Variants in FRY observed in about 807,000 individuals in gnomAD.
The protein encoded by FRY is FRY microtubule binding protein, also known as protein furry homolog.
Under a neutral mutation model 348.4 loss-of-function variants are expected in FRY, and 128 were observed. The observed-to-expected ratio is 0.37, with a 90% CI of 0.32 to 0.43. The LOEUF (loss-of-function observed/expected upper bound fraction) is 0.43. Among genes scored for constraint, FRY ranks in the 20% least tolerant of loss-of-function variants. The pLI, the probability that FRY is intolerant of heterozygous loss-of-function variation, is 1.00. For synonymous variants in FRY, 1,370 were observed against 1,374.7 expected, an observed-to-expected ratio of 1.00 and a Z score of 0.08; for missense variants, 2,736 against 3,695.2, an observed-to-expected ratio of 0.74 and a Z score of 6.73.
intron 1 of FRY, among the ~76,000 whole-genome samples, chr13:32,036,954 A>G (rs903508360): frequency 6.6e-6 from 1 of 151,722 alleles, no homozygotes; most frequent in Non-Finnish European, 1.5e-5. Flanking sequence ...TGTCCCTGCC[A>G]GTTCTTAGCC....
chr13:32,138,709 C>G (rs1239471369), intron 11 of FRY, among the ~76,000 whole-genome samples: 2 of 152,262 alleles, frequency 1.3e-5, no homozygotes, highest in East Asian at 3.9e-4. Context: ...TTCAGTTCAG[C>G]AGGGACTTAT....
In FRY at chr13:32,142,748, A is replaced by G. The variant is rs79829116; in HGVS notation, c.1180-4534A>G. Among the ~76,000 whole-genome samples, 886 of 152,280 alleles carry G rather than the reference A, an allele frequency of 5.8e-3. 10 individuals are homozygous for G. The highest frequency in any genetic ancestry group is 0.02 in the African/African-American group (832 of 41,532). On this transcript the variant is annotated intron_variant, in intron 11 of 60. Coordinates refer to ENST00000542859, the MANE Select transcript of FRY (RefSeq NM_023037.3). The stretch of plus-strand genomic sequence containing the variant: ...TTATGCATCAAGTTGTTCAGCTACT[A>G]CTCAGATTGTTTTTGATTTTGAATA...
chr13:32,242,527 TTTTTGTTTTGTTTTG>T (rs373777202), intron 46 of FRY, among the ~76,000 whole-genome samples: 1 of 152,078 alleles, frequency 6.6e-6, no homozygotes, highest in African/African-American at 2.4e-5. Flanking sequence ...TTACTCATGT[TTTTTGTTTTGTTTTG>T]TTTTGTTTTG....
intron 7 of FRY, among the ~76,000 whole-genome samples, chr13:32,130,053 C>CA (rs1879251975): frequency 6.9e-6 from 1 of 144,870 alleles, no homozygotes; most frequent in Non-Finnish European, 1.5e-5. Flanking sequence ...CCTCCCCCAG[C>CA]CTTTTTTTTT....
intron 49 of FRY, among the ~76,000 whole-genome samples, 172 bp from the exon 50 acceptor site, chr13:32,251,706 T>C (rs1401476957): frequency 6.6e-6 from 1 of 152,268 alleles, no homozygotes; most frequent in African/African-American, 2.4e-5. Context: ...GTTTTCAATA[T>C]TTAACAATTT....
chr13:32,136,764 C>A, intron 10 of FRY, 107 bp from the exon 11 acceptor site: 1 of 789,350 alleles, frequency 1.3e-6, no homozygotes. Context: ...TGTTTCTTGC[C>A]CACAGGGCCC....
At chr13:32,124,771 C>A (rs1047516724) in intron 6 of FRY, 24 bp from the exon 7 acceptor site, 6 of 1,578,428 alleles carry the variant, frequency 3.8e-6, no homozygotes, top group Non-Finnish European at 5.2e-6. Flanking sequence ...GGATCCCTAA[C>A]TTGTCTAATT....
chr13:32,126,980 T>A (rs1308048525), intron 7 of FRY, among the ~76,000 whole-genome samples: 1 of 152,202 alleles, frequency 6.6e-6, no homozygotes, highest in Non-Finnish European at 1.5e-5. Context: ...GAATTTGAGT[T>A]TTAGCAGAAT....
Position 32,247,358 on chromosome 13 carries a change from G to A in FRY, c.6864G>A (p.Lys2288=), listed in dbSNP as rs1183570479. The change falls in exon 48 of 61, where the codon AAG becomes AAA. Residue 2288 remains lysine, a synonymous_variant. Transcript: ENST00000542859. The part of the protein sequence containing the change: ...VHWREALNIL[K]LVVSRSASLV... Reference sequence around the variant, plus strand: ...GGAGAGAAGCTCTGAATATCTTGAAGCTGGTAGTTTCTCGGTCAGCCAGCC... The same window carrying A: ...GGAGAGAAGCTCTGAATATCTTGAAACTGGTAGTTTCTCGGTCAGCCAGCC... The A allele has an allele frequency of 2.5e-6, 4 of 1,613,810 alleles. No individual in the cohort carries two copies. In the African/African-American group the frequency reaches 4.0e-5, roughly 16 times the overall value.
chr13:32,225,053 A>G lies in FRY; in HGVS notation c.5020+17A>G, dbSNP rs1226387964. 1.5e-6 allele frequency: 2 copies of G among 1,371,758 alleles called. No individual in the cohort carries two copies. The highest frequency in any genetic ancestry group is 2.1e-6 in the Non-Finnish European group (2 of 958,382). The allele number at this position is 1,371,758 out of a possible 1,614,324, so 85.0% of individuals were successfully genotyped here. A position where few individuals can be genotyped will look rare whatever the true frequency, so the allele number is the denominator to read the frequency against. On this transcript the variant is annotated intron_variant, in intron 38 of 60. Transcript: ENST00000542859. ...TCTTCTTAGGTAAGACTGGATCTAA[A>G]AGGCATTCTAGCCAATCGGGTTAAA...
At chr13:32,223,056 C>T (rs186310902) in intron 36 of FRY, among the ~76,000 whole-genome samples, 13 of 152,130 alleles carry the variant, frequency 8.5e-5, no homozygotes, top group Non-Finnish European at 1.8e-4. Flanking sequence ...TGGGTTCAAA[C>T]GATTATCCTG....
chr13:32,170,052 C>T (rs1881965282), intron 17 of FRY, among the ~76,000 whole-genome samples: 1 of 152,106 alleles, frequency 6.6e-6, no homozygotes, highest in African/African-American at 2.4e-5. Context: ...TAGAGAAATG[C>T]CTGTACCACA....
At chr13:32,165,512 G>C (rs1459553827) in intron 17 of FRY, among the ~76,000 whole-genome samples, 3 of 84,458 alleles carry the variant, frequency 3.6e-5, no homozygotes, top group Non-Finnish European at 7.2e-5. Context: ...AACTACCCTG[G>C]TGGTGAACAG....
chr13:32,274,988 G>C lies in FRY; in HGVS notation c.8283G>C (p.Glu2761Asp), dbSNP rs1447915853. ...GTCCTACACTTTTTGTGGATGCCGA[G>C]ACTGTGAGTATCCCAGTCCTGCTCT... ...SECPTLFVDAETLLSCGLLDK... is the reference protein window; with the variant it reads ...SECPTLFVDADTLLSCGLLDK... Residue 2761 changes from glutamate to aspartate, a missense_variant, in exon 56 of 61, where the codon GAG (glutamate) becomes GAC (aspartate). Around this residue, in one of 9 missense-constraint regions of FRY, gnomAD observed 789 missense variants for 996.2 expected, o/e 0.79. Transcript: ENST00000542859. The C allele has an allele frequency of 6.2e-7, 1 of 1,613,356 alleles. No individual in the cohort carries two copies. Among genetic ancestry groups the C allele is most frequent in the Non-Finnish European group, 8.5e-7 (1 of 1,179,514 alleles).
At chr13:32,125,361 G>C (rs977011307) in intron 7 of FRY, among the ~76,000 whole-genome samples, 5 of 152,126 alleles carry the variant, frequency 3.3e-5, no homozygotes, top group Admixed American at 3.3e-4. Flanking sequence ...AAATTTATCT[G>C]GCCCCATAGC....
chr13:32,202,102 G>T, intron 30 of FRY, 62 bp downstream of exon 30: 1 of 1,016,928 alleles, frequency 9.8e-7, no homozygotes. Flanking sequence ...AGAAATGGTA[G>T]TTGATTACCT....
At chr13:32,252,179 G>A (rs1887116761) in intron 50 of FRY, among the ~76,000 whole-genome samples, 1 of 151,960 alleles carries the variant, frequency 6.6e-6, no homozygotes, top group African/African-American at 2.4e-5. Context: ...GTTTGTCTGT[G>A]AATACTGTTT....
At chr13:32,065,973 T>C (rs1158069263) in intron 1 of FRY, among the ~76,000 whole-genome samples, 1 of 152,160 alleles carries the variant, frequency 6.6e-6, no homozygotes, top group Non-Finnish European at 1.5e-5. Flanking sequence ...ATATAATCAG[T>C]ATGCATTCTA....
At chr13:32,042,201 G>A (rs765148396) in intron 1 of FRY, among the ~76,000 whole-genome samples, 23 of 152,014 alleles carry the variant, frequency 1.5e-4, no homozygotes, top group Non-Finnish European at 2.9e-4. Context: ...GAGGGAAGGA[G>A]GGAAGAAAGG....
Sources: gnomAD v4.1 joint callset for allele counts (sites outside exome capture counted in the v4.1 genomes callset) on GRCh38, gnomAD v4.1.1 for gene constraint, gnomAD v4.1.1 regional missense constraint, MANE v1.5 for transcripts, NCBI Gene and HGNC (gene_info 2026-07-23, HGNC 2026-07-21) for gene names.